Variants in MCC observed in about 807,000 individuals in gnomAD.
MCC encodes MCC regulator of Wnt signaling pathway.
In MCC, 90 loss-of-function variants were observed where a neutral mutation model predicts 116.2. The observed-to-expected ratio is 0.77, with a 90% CI of 0.65 to 0.92. MCC has a LOEUF of 0.92. Among genes scored for constraint, MCC ranks in the 40% least tolerant of loss-of-function variants. MCC has a pLI of 0.00. For missense variants in MCC, 1,516 were observed against 1,312.2 expected (o/e 1.16, Z -2.40); for synonymous variants, 578 against 510.5 (o/e 1.13, Z -1.78).
At chr5:113,067,137 C>T (rs1753668667) in intron 13 of MCC, among the ~76,000 whole-genome samples, 2 of 152,194 alleles carry the variant, frequency 1.3e-5, no homozygotes, top group South Asian at 4.1e-4. Flanking sequence ...ACTCCTTCCA[C>T]CTTACTCAAA....
intron 3 of MCC, among the ~76,000 whole-genome samples, chr5:113,156,279 T>C (rs1437974329): frequency 6.6e-6 from 1 of 152,214 alleles, no homozygotes; most frequent in East Asian, 1.9e-4. Context: ...GTTCAAATCT[T>C]ATCTATGCCA....
At chr5:113,181,005 C>A (rs1298978404) in intron 3 of MCC, among the ~76,000 whole-genome samples, 3 of 152,132 alleles carry the variant, frequency 2.0e-5, no homozygotes, top group Admixed American at 6.6e-5. Flanking sequence ...AAGATTCCAA[C>A]CTCCCAACTT....
chr5:113,327,128 C>T (rs1767573695), intron 3 of MCC, among the ~76,000 whole-genome samples: 1 of 151,906 alleles, frequency 6.6e-6, no homozygotes, highest in African/African-American at 2.4e-5. Context: ...TGTGAAGGTA[C>T]GGAGAAAAGC....
chr5:113,435,130 T>A, intron 1 of MCC: 1 of 391,380 alleles, frequency 2.6e-6, no homozygotes, highest in Non-Finnish European at 4.7e-6. Flanking sequence ...GCAGACAAGA[T>A]GAGCAGAAAG....
At chr5:113,193,036 AT>A (rs548169434) in intron 3 of MCC, among the ~76,000 whole-genome samples, 306 of 152,222 alleles carry the variant, frequency 2.0e-3, no homozygotes, top group African/African-American at 7.1e-3. Context: ...GGTAGAATTT[AT>A]TTCCTCAGCT....
intron 3 of MCC, among the ~76,000 whole-genome samples, chr5:113,187,529 C>T (rs1761950715): frequency 6.6e-6 from 1 of 152,094 alleles, no homozygotes; most frequent in Admixed American, 6.5e-5. Context: ...TGTTCTGGGG[C>T]TCCCAAACTT....
chr5:113,166,361 A>T (rs974909735), intron 3 of MCC, among the ~76,000 whole-genome samples: 2 of 152,236 alleles, frequency 1.3e-5, no homozygotes, highest in African/African-American at 4.8e-5. Context: ...ACTACTAAAG[A>T]AGTTTACACT....
chr5:113,087,540 A>G (rs1755285402), intron 8 of MCC, among the ~76,000 whole-genome samples: 1 of 152,236 alleles, frequency 6.6e-6, no homozygotes, highest in South Asian at 2.1e-4. Flanking sequence ...AGACTGGGCA[A>G]AGAGAGAGGG....
intron 3 of MCC, among the ~76,000 whole-genome samples, chr5:113,242,309 C>A (rs1051827937): frequency 2.0e-5 from 3 of 152,192 alleles, no homozygotes; most frequent in Admixed American, 6.5e-5. Context: ...ATATTCACAT[C>A]ATTGGTAAGT....
chr5:113,351,303 T>A (rs1040380245), intron 2 of MCC, among the ~76,000 whole-genome samples: 1 of 152,106 alleles, frequency 6.6e-6, no homozygotes, highest in Non-Finnish European at 1.5e-5. Flanking sequence ...TATCAATAGA[T>A]GAATGGATGA....
In MCC at chr5:113,224,949, C is replaced by T. The variant is rs570083393; in HGVS notation, c.628-73527G>A. ...GACCATGATCTGAGAGGTACCCAGA[C>T]AGGATATAAGAAATGTAGGAGTGGT... On this transcript the variant is annotated intron_variant, in intron 3 of 18. Transcript: ENST00000408903. 5.3e-5 allele frequency among the ~76,000 whole-genome samples: 8 copies of T among 152,270 alleles called. No individual in the cohort carries two copies. The East Asian group carries it at 1.3e-3, about 26-fold the overall frequency.
chr5:113,252,960 G>A (rs752571250), intron 3 of MCC, among the ~76,000 whole-genome samples: 40 of 152,204 alleles, frequency 2.6e-4, no homozygotes, highest in Non-Finnish European at 8.8e-5. Context: ...GTTCAAGAAA[G>A]CCTTATTTTC....
chr5:113,153,637 T>C (rs904452521), intron 3 of MCC, among the ~76,000 whole-genome samples: 6 of 152,326 alleles, frequency 3.9e-5, no homozygotes, highest in Admixed American at 3.3e-4. Flanking sequence ...ACCCTTCTAC[T>C]AGGGCAGAGA....
At chr5:113,463,809 G>A (rs533942964) in intron 1 of MCC, among the ~76,000 whole-genome samples, 7 of 152,260 alleles carry the variant, frequency 4.6e-5, no homozygotes, top group Admixed American at 1.3e-4. Context: ...AATAAGAGAC[G>A]AAACGTAAAT....
At position 113,433,943 on chromosome 5, in the gene MCC, G is replaced by T. The variant is rs568101737; in HGVS notation, c.171-48731C>A. The T allele has an allele frequency of 6.3e-5, 101 of 1,613,890 alleles. No individual in the cohort carries two copies. The South Asian group carries it at 1.0e-3, about 16-fold the overall frequency. On this transcript the variant is annotated intron_variant, in intron 1 of 18. Coordinates refer to ENST00000408903, the MANE Select transcript of MCC (RefSeq NM_001085377.2). ...ACTTCTTGTCAGAGCCAGGTTCGGG[G>T]GTCCACAAGGGTTCAGTTCCCCGGG...
chr5:113,202,364 G>C (rs1212034666), intron 3 of MCC, among the ~76,000 whole-genome samples: 3 of 152,098 alleles, frequency 2.0e-5, no homozygotes, highest in Admixed American at 2.0e-4. Flanking sequence ...TCTTTATCTA[G>C]ATTTGCCAAA....
intron 14 of MCC, among the ~76,000 whole-genome samples, chr5:113,062,949 T>C (rs190337517): frequency 6.8e-4 from 103 of 152,368 alleles, no homozygotes; most frequent in South Asian, 2.9e-3. Context: ...TCTATCTTTA[T>C]GCAGTTCTGG....
chr5:113,051,570 A>G (rs1477976687), intron 15 of MCC, among the ~76,000 whole-genome samples: 1 of 152,072 alleles, frequency 6.6e-6, no homozygotes, highest in Non-Finnish European at 1.5e-5. Flanking sequence ...AAATAAACTT[A>G]AAAAGTCAGC....
At chr5:113,273,091 T>C (rs972444449) in intron 3 of MCC, among the ~76,000 whole-genome samples, 1 of 152,208 alleles carries the variant, frequency 6.6e-6, no homozygotes, top group Non-Finnish European at 1.5e-5. Flanking sequence ...AGTTCAATAA[T>C]ACTAGAAAGA....
Sources: gnomAD v4.1 joint callset for allele counts (sites outside exome capture counted in the v4.1 genomes callset) on GRCh38, gnomAD v4.1.1 for gene constraint, MANE v1.5 for transcripts, NCBI Gene and HGNC (gene_info 2026-07-23, HGNC 2026-07-21) for gene names.